Variants in SCAF4 observed in about 807,000 individuals in gnomAD.
SCAF4 encodes the protein SR-related and CTD-associated factor 4.
SCAF4 carries 25 observed loss-of-function variants against 129.8 expected under a neutral mutation model. The ratio of observed to expected loss-of-function variants is 0.19; its 90% CI spans 0.14 to 0.27. The LOEUF is 0.27. Among genes scored for constraint, SCAF4 ranks in the 10% least tolerant of loss-of-function variants. The pLI, the probability that SCAF4 is intolerant of heterozygous loss-of-function variation, is 1.00. For synonymous variants in SCAF4, 551 were observed against 497.7 expected (o/e 1.11, Z -1.43); for missense variants, 1,246 against 1,457.1 (o/e 0.86, Z 2.36).
rs1293563939 is a variant in SCAF4 at position 31,731,057 on chromosome 21, A to C, written c.30+606T>G. ...TCACGACTTTAAATTATAACGAGCCACCCCCTCTCCGTTTATTAGCCCTAT... is the reference window on the plus strand; with the variant it reads ...TCACGACTTTAAATTATAACGAGCCCCCCCCTCTCCGTTTATTAGCCCTAT... On this transcript the variant is annotated intron_variant, in intron 1 of 19. Coordinates refer to ENST00000286835, the MANE Select transcript of SCAF4 (RefSeq NM_020706.2). Among the ~76,000 whole-genome samples the C allele has an allele frequency of 2.0e-5, 3 of 152,066 alleles. No individual in the cohort carries two copies. The East Asian group carries it at 5.8e-4, about 29-fold the overall frequency.
At chr21:31,706,536 C>T in intron 1 of SCAF4, 179 bp from the exon 2 acceptor site, 7 of 579,488 alleles carry the variant, frequency 1.2e-5, no homozygotes, top group South Asian at 2.2e-5. Flanking sequence ...AGCACACACC[C>T]TCCCCACTGC....
chr21:31,672,045 C>A lies in SCAF4; in HGVS notation c.2798G>T (p.Gly933Val), dbSNP rs779749974. 9 of 1,613,326 alleles carry A rather than the reference C, an allele frequency of 5.6e-6. No homozygotes were observed. The South Asian group carries it at 6.6e-5, about 12-fold the overall frequency. Reference sequence around the variant, plus strand: ...TTGCCTTCCGTCTCTGTCTTCAGGACCCCCTGGGCCTGGCCCTGGGCCCCC... The same window carrying A: ...TTGCCTTCCGTCTCTGTCTTCAGGAACCCCTGGGCCTGGCCCTGGGCCCCC... ...GLGGPGPGPG[G>V]PEDRDGRQQP... Residue 933 changes from glycine to valine, a missense_variant, in exon 20 of 20, where the codon GGT becomes GTT. Gly to Val is a moderately radical substitution (Grantham distance 109). Transcript: ENST00000286835.
At chr21:31,695,107 T>C (rs1244030649) in intron 9 of SCAF4, 127 bp from the exon 10 acceptor site, 3 of 728,076 alleles carry the variant, frequency 4.1e-6, no homozygotes, top group Admixed American at 3.0e-5. Context: ...CATTCAACAT[T>C]GTTTAACAAT....
intron 1 of SCAF4, among the ~76,000 whole-genome samples, chr21:31,718,577 T>C (rs1432239991): frequency 2.6e-5 from 4 of 152,212 alleles, no homozygotes; most frequent in Non-Finnish European, 5.9e-5. Flanking sequence ...ATTACAGGCG[T>C]GAGCCACCTC....
intron 19 of SCAF4, chr21:31,684,028 A>G (rs1362129200): frequency 1.3e-5 from 2 of 153,600 alleles, no homozygotes; most frequent in Non-Finnish European, 2.9e-5. Context: ...TTATAAATAT[A>G]GTACATGCAA....
intron 19 of SCAF4, among the ~76,000 whole-genome samples, chr21:31,675,376 G>A (rs1601173468): frequency 6.6e-6 from 1 of 152,210 alleles, no homozygotes; most frequent in South Asian, 2.1e-4. Context: ...GGCCCCTCGA[G>A]AGTAGTTAGG....
intron 1 of SCAF4, among the ~76,000 whole-genome samples, chr21:31,723,610 ATGTG>A (rs368505231): frequency 3.4e-5 from 5 of 149,224 alleles, no homozygotes; most frequent in Admixed American, 6.7e-5. Flanking sequence ...GATTTATATG[ATGTG>A]TGTGTGTGTG....
intron 9 of SCAF4, among the ~76,000 whole-genome samples, chr21:31,695,786 T>G (rs1287963015): frequency 6.6e-6 from 1 of 152,182 alleles, no homozygotes; most frequent in Admixed American, 6.5e-5. Flanking sequence ...CCCTCTAAAG[T>G]ATCTAACCAC....
At chr21:31,719,607 C>A (rs962257757) in intron 1 of SCAF4, among the ~76,000 whole-genome samples, 1 of 152,038 alleles carries the variant, frequency 6.6e-6, no homozygotes, top group Non-Finnish European at 1.5e-5. Context: ...TGGGTCTAAG[C>A]GAGTCTCCTG....
intron 15 of SCAF4, 109 bp from the exon 16 acceptor site, chr21:31,688,573 A>G (rs1469512028): frequency 1.3e-5 from 11 of 840,468 alleles, no homozygotes; most frequent in Non-Finnish European, 1.9e-5. Context: ...TATTAAAGAA[A>G]TTCCCATGCT....
intron 1 of SCAF4, among the ~76,000 whole-genome samples, chr21:31,721,236 A>G (rs1351973521): frequency 6.6e-6 from 1 of 152,222 alleles, no homozygotes; most frequent in Non-Finnish European, 1.5e-5. Flanking sequence ...TAAAATAGAT[A>G]GTGGTAAAAG....
intron 1 of SCAF4, among the ~76,000 whole-genome samples, chr21:31,726,880 T>A (rs1488856115): frequency 6.6e-6 from 1 of 152,172 alleles, no homozygotes; most frequent in East Asian, 1.9e-4. Context: ...CACTCCAGTA[T>A]CAGAGAATAT....
chr21:31,699,734 T>G (rs934325913), intron 7 of SCAF4, among the ~76,000 whole-genome samples: 1 of 152,204 alleles, frequency 6.6e-6, no homozygotes, highest in African/African-American at 2.4e-5. Flanking sequence ...CAGTTCTGAT[T>G]TTCAAACTTT....
intron 19 of SCAF4, among the ~76,000 whole-genome samples, chr21:31,680,292 G>A (rs2049966591): frequency 6.6e-6 from 1 of 152,154 alleles, no homozygotes; most frequent in Non-Finnish European, 1.5e-5. Context: ...AGAAACTATG[G>A]TGTGTTCATG....
chr21:31,731,368 C>A (rs1436338322), intron 1 of SCAF4, among the ~76,000 whole-genome samples: 1 of 152,206 alleles, frequency 6.6e-6, no homozygotes, highest in Non-Finnish European at 1.5e-5. Context: ...GAAAAAGGGC[C>A]AAGTTAGAGG....
At chr21:31,680,142 AT>A (rs1398148050) in intron 19 of SCAF4, among the ~76,000 whole-genome samples, 1 of 152,214 alleles carries the variant, frequency 6.6e-6, no homozygotes. Flanking sequence ...AGAGATTTAC[AT>A]TTAAGCCATT....
intron 19 of SCAF4, among the ~76,000 whole-genome samples, chr21:31,682,114 T>C (rs1051704010): frequency 6.6e-6 from 1 of 152,188 alleles, no homozygotes. Context: ...GAGGCAACTA[T>C]GTCAAGATAA....
Position 31,672,102 on chromosome 21 carries a change from G to C in SCAF4, c.2741C>G (p.Pro914Arg). 6.2e-7 allele frequency: 1 copy of C among 1,612,776 alleles called. No individual in the cohort carries two copies. Among genetic ancestry groups the C allele is most frequent in the Non-Finnish European group, 8.5e-7 (1 of 1,178,902 alleles). The change falls in exon 20 of 20, where the codon CCC becomes CGC. Residue 914 changes from proline to arginine, a missense_variant. By Grantham distance (103) the Pro-to-Arg change is moderately radical. Transcript: ENST00000286835. ...TGGCATTCCACCAGGCCTAACAAAG[G>C]GGCCATGCGGTGGGAAGGGACCTTT... ...GMKGPFPPHG[P>R]FVRPGGMPGL...
intron 7 of SCAF4, 91 bp downstream of exon 7, chr21:31,700,904 A>G: frequency 1.5e-6 from 2 of 1,312,560 alleles, no homozygotes; most frequent in South Asian, 1.2e-5. Context: ...GACATAATGA[A>G]CAATCCACAG....
Sources: allele counts gnomAD v4.1 joint callset (sites outside exome capture counted in the v4.1 genomes callset), GRCh38; gene constraint gnomAD v4.1.1; transcripts MANE v1.5; gene names NCBI Gene and HGNC (gene_info 2026-07-23, HGNC 2026-07-21).